GPHN: variants seen among roughly 807,000 people sequenced by gnomAD.
GPHN encodes gephyrin.
A neutral mutation model predicts 95.5 loss-of-function variants in GPHN; 17 were observed. The observed-to-expected ratio is 0.18, with a 90% confidence interval of 0.12 to 0.27. The LOEUF (loss-of-function observed/expected upper bound fraction) is 0.27, where lower values mean the gene tolerates loss of function less well. GPHN is among the 10% of genes least tolerant of loss of function. GPHN has a pLI of 1.00. For missense variants in GPHN, 660 were observed against 978.1 expected (o/e 0.67, Z 4.34); for synonymous variants, 320 against 322.5 (o/e 0.99, Z 0.08).
chr14:66,738,858 T>C (rs2072528372), intron 2 of GPHN, among the ~76,000 whole-genome samples: 1 of 152,140 alleles, frequency 6.6e-6, no homozygotes, highest in Non-Finnish European at 1.5e-5. Context: ...CCCCACTTTC[T>C]CCTCATGAAA....
At chr14:66,531,292 G>A (rs1366158623) in intron 1 of GPHN, among the ~76,000 whole-genome samples, 4 of 152,058 alleles carry the variant, frequency 2.6e-5, no homozygotes, top group Non-Finnish European at 5.9e-5. Flanking sequence ...TTCTTTTGCA[G>A]GTGAGTTTGT....
chr14:66,568,585 A>G (rs915612407), intron 1 of GPHN, among the ~76,000 whole-genome samples: 1 of 152,196 alleles, frequency 6.6e-6, no homozygotes, highest in Non-Finnish European at 1.5e-5. Flanking sequence ...ATGAGTAAGC[A>G]GGTGCCTTGA....
intron 3 of GPHN, among the ~76,000 whole-genome samples, chr14:66,823,831 G>T (rs1441172666): frequency 6.6e-6 from 1 of 152,018 alleles, no homozygotes; most frequent in African/African-American, 2.4e-5. Flanking sequence ...TTTAAATTTT[G>T]ACTCTGAATT....
chr14:66,604,409 C>T (rs996550047), intron 1 of GPHN, among the ~76,000 whole-genome samples: 11 of 151,964 alleles, frequency 7.2e-5, no homozygotes, highest in Non-Finnish European at 1.0e-4. Context: ...TGTATGTGTA[C>T]GCATTCGGGT....
chr14:67,424,702 GTC>G, the GPHN span, among the ~76,000 whole-genome samples: 1 of 152,028 alleles, frequency 6.6e-6, no homozygotes. Flanking sequence ...CTGGTCTTGG[GTC>G]ATGACCTGTC....
downstream of GPHN, among the ~76,000 whole-genome samples, chr14:67,183,583 G>A (rs1479013860): frequency 2.0e-5 from 3 of 151,796 alleles, no homozygotes; most frequent in African/African-American, 7.3e-5. Flanking sequence ...TATTTTTTGA[G>A]GTGGAGTCTT....
the GPHN span, among the ~76,000 whole-genome samples, chr14:67,276,708 T>C: frequency 2.0e-5 from 3 of 152,144 alleles, no homozygotes; most frequent in Non-Finnish European, 4.4e-5. Flanking sequence ...ATAACCAAAA[T>C]GAAATTTAAA....
chr14:67,193,506 C>CAT, the GPHN span, among the ~76,000 whole-genome samples: 13 of 137,790 alleles, frequency 9.4e-5, no homozygotes, highest in South Asian at 2.3e-4. Context: ...TCTAGATATC[C>CAT]ATATATATAT....
intron 2 of GPHN, among the ~76,000 whole-genome samples, chr14:66,691,936 A>G (rs2067808025): frequency 6.6e-6 from 1 of 152,230 alleles, no homozygotes; most frequent in African/African-American, 2.4e-5. Context: ...AAAAAAGATA[A>G]TAAAAGCTAG....
At chr14:67,093,076 A>G (rs915311515) in intron 12 of GPHN, among the ~76,000 whole-genome samples, 1 of 152,122 alleles carries the variant, frequency 6.6e-6, no homozygotes, top group African/African-American at 2.4e-5. Context: ...ATCATTTGGA[A>G]AAAAGGAATA....
chr14:67,705,788 T>C, the GPHN span, among the ~76,000 whole-genome samples: 1 of 152,196 alleles, frequency 6.6e-6, no homozygotes, highest in African/African-American at 2.4e-5. Context: ...AAAAGACACA[T>C]TTGATCAACC....
the GPHN span, among the ~76,000 whole-genome samples, chr14:67,668,494 A>G: frequency 3.3e-5 from 5 of 152,382 alleles, no homozygotes; most frequent in Middle Eastern, 3.4e-3. Flanking sequence ...AATAGGTGGA[A>G]TATACCCATT....
chr14:67,554,379 A>T, the GPHN span, among the ~76,000 whole-genome samples: 2 of 152,168 alleles, frequency 1.3e-5, no homozygotes, highest in Non-Finnish European at 2.9e-5. Context: ...GAAGAGGCCA[A>T]ATCCTTAGAG....
At chr14:67,726,845 A>T in the GPHN span, 140 of 747,370 alleles carry the variant, frequency 1.9e-4, no homozygotes, top group African/African-American at 2.2e-3. Flanking sequence ...CAAACTGACC[A>T]TTAGAGTTAC....
intron 1 of GPHN, among the ~76,000 whole-genome samples, chr14:66,679,732 A>G (rs2066829352): frequency 6.6e-6 from 1 of 152,238 alleles, no homozygotes; most frequent in Non-Finnish European, 1.5e-5. Context: ...CCCACCCACC[A>G]ACTGCTTAAT....
intron 1 of GPHN, among the ~76,000 whole-genome samples, chr14:66,548,213 C>G (rs1250100574): frequency 1.4e-5 from 2 of 140,986 alleles, no homozygotes; most frequent in African/African-American, 5.5e-5. Flanking sequence ...TGGAGTCTCG[C>G]TCTGTCGCCC....
chr14:66,563,196 C>T (rs915998192), intron 1 of GPHN, among the ~76,000 whole-genome samples: 3 of 151,946 alleles, frequency 2.0e-5, no homozygotes, highest in African/African-American at 7.3e-5. Context: ...GACTAATAAA[C>T]GTAGTTTCTT....
intron 1 of GPHN, among the ~76,000 whole-genome samples, chr14:66,660,109 T>G (rs2065552034): frequency 6.6e-6 from 1 of 152,158 alleles, no homozygotes; most frequent in Non-Finnish European, 1.5e-5. Context: ...TGTATGTGTG[T>G]GTGTGTGTAT....
Position 66,799,797 on chromosome 14 carries a change from G to GT in GPHN, c.201+23277dup, listed in dbSNP as rs529827726. Among the ~76,000 whole-genome samples the GT allele has an allele frequency of 3.1e-3, 469 of 151,892 alleles. 11 individuals are homozygous for GT. Among genetic ancestry groups the GT allele is most frequent in the African/African-American group, 0.011 (444 of 41,504 alleles). ...TTGTTTTTTAATGGAAGCATTTAGT[G>GT]TAATTACATTCAGTGTTATTATTGA... On this transcript the variant is annotated intron_variant, in intron 3 of 22. Coordinates refer to ENST00000478722, the MANE Select transcript of GPHN (RefSeq NM_020806.5).
Sources: allele counts gnomAD v4.1 joint callset (sites outside exome capture counted in the v4.1 genomes callset), GRCh38; gene constraint gnomAD v4.1.1; transcripts MANE v1.5; gene names NCBI Gene and HGNC (gene_info 2026-07-23, HGNC 2026-07-21).